PIK3C2G: variants seen among roughly 807,000 people sequenced by gnomAD.
PIK3C2G encodes phosphatidylinositol-4-phosphate 3-kinase catalytic subunit type 2 gamma.
In PIK3C2G, 168 loss-of-function variants were observed where a neutral mutation model predicts 181.1. The observed-to-expected ratio is 0.93, with a 90% confidence interval of 0.82 to 1.05. The LOEUF (loss-of-function observed/expected upper bound fraction) is 1.05. PIK3C2G is among the 50% of genes least tolerant of loss of function. PIK3C2G has a pLI of 0.00. For missense variants in PIK3C2G, 1,869 were observed against 1,732.8 expected (o/e 1.08, Z -1.40); for synonymous variants, 573 against 592.2 (o/e 0.97, Z 0.47).
At chr12:18,710,165 T>G in the PIK3C2G span, among the ~76,000 whole-genome samples, 1 of 148,646 alleles carries the variant, frequency 6.7e-6, no homozygotes. Flanking sequence ...ATTTTGTCTC[T>G]TTTTCTTATC....
the PIK3C2G span, among the ~76,000 whole-genome samples, chr12:18,688,801 G>A: frequency 1.3e-5 from 2 of 151,902 alleles, no homozygotes; most frequent in Admixed American, 1.3e-4. Flanking sequence ...AACAAAATGA[G>A]CACACAACAA....
chr12:18,600,056 T>C (rs1306280619), intron 30 of PIK3C2G, among the ~76,000 whole-genome samples: 1 of 151,908 alleles, frequency 6.6e-6, no homozygotes, highest in Non-Finnish European at 1.5e-5. Context: ...AGTAGATTTA[T>C]AGAAAAATAA....
chr12:18,457,148 T>A (rs1592308046), intron 18 of PIK3C2G, among the ~76,000 whole-genome samples: 2 of 152,128 alleles, frequency 1.3e-5, no homozygotes, highest in Non-Finnish European at 2.9e-5. Flanking sequence ...GAGCCATGGA[T>A]AATGGATAGA....
At chr12:18,508,568 AC>A (rs1941997613) in intron 24 of PIK3C2G, among the ~76,000 whole-genome samples, 1 of 151,880 alleles carries the variant, frequency 6.6e-6, no homozygotes, top group African/African-American at 2.4e-5. Context: ...TATGTTATGG[AC>A]CCCCTTTGTA....
At chr12:18,596,891 T>G (rs896599634) in intron 30 of PIK3C2G, among the ~76,000 whole-genome samples, 6 of 152,038 alleles carry the variant, frequency 3.9e-5, no homozygotes, top group African/African-American at 1.4e-4. Flanking sequence ...GGCCAAGCAG[T>G]GTAAGAATAG....
chr12:18,710,932 G>C, the PIK3C2G span, among the ~76,000 whole-genome samples: 2 of 152,074 alleles, frequency 1.3e-5, no homozygotes, highest in African/African-American at 4.8e-5. Flanking sequence ...TTACACTGTT[G>C]GTTGGACTGT....
intron 30 of PIK3C2G, among the ~76,000 whole-genome samples, chr12:18,601,176 A>G (rs749049178): frequency 3.4e-4 from 52 of 152,082 alleles, no homozygotes; most frequent in Non-Finnish European, 5.6e-4. Flanking sequence ...ACATATTATC[A>G]TATTGATAGA....
At chr12:18,650,704 G>A (rs796648452), downstream of PIK3C2G, among the ~76,000 whole-genome samples, 414 of 57,604 alleles carry the variant, frequency 7.2e-3, 10 homozygotes, top group Middle Eastern at 0.023. Flanking sequence ...GTGTGTGTGT[G>A]TATATATCTA....
At chr12:18,565,221 A>G (rs1340699054) in intron 28 of PIK3C2G, among the ~76,000 whole-genome samples, 2 of 152,194 alleles carry the variant, frequency 1.3e-5, no homozygotes, top group African/African-American at 2.4e-5. Context: ...TGTAAATGTC[A>G]TCTGGAAGGC....
chr12:18,683,594 GC>G, the PIK3C2G span: 1 of 1,442,394 alleles, frequency 6.9e-7, no homozygotes, highest in South Asian at 1.2e-5. Flanking sequence ...CCACCCTTCT[GC>G]TTCAGGAAGA....
intron 24 of PIK3C2G, among the ~76,000 whole-genome samples, chr12:18,511,576 G>A (rs1942209106): frequency 6.6e-6 from 1 of 151,926 alleles, no homozygotes; most frequent in Non-Finnish European, 1.5e-5. Context: ...AATTAGTGAT[G>A]CCTAACAGTT....
At chr12:18,492,582 G>A (rs1480144227) in intron 20 of PIK3C2G, among the ~76,000 whole-genome samples, 1 of 152,072 alleles carries the variant, frequency 6.6e-6, no homozygotes, top group Non-Finnish European at 1.5e-5. Flanking sequence ...TTCATCATCA[G>A]CAGTATTCTT....
chr12:18,547,488 A>G (rs541910126), intron 26 of PIK3C2G, among the ~76,000 whole-genome samples: 1 of 152,138 alleles, frequency 6.6e-6, no homozygotes, highest in East Asian at 1.9e-4. Flanking sequence ...GACAATAGAC[A>G]TTCAAGTGAG....
intron 26 of PIK3C2G, among the ~76,000 whole-genome samples, chr12:18,555,663 AAT>A (rs1944970789): frequency 6.6e-6 from 1 of 152,166 alleles, no homozygotes; most frequent in African/African-American, 2.4e-5. Flanking sequence ...GGCAGCTAGA[AAT>A]ATGTTACATT....
intron 19 of PIK3C2G, among the ~76,000 whole-genome samples, chr12:18,491,036 T>TTTTTTTC (rs1940521962): frequency 6.6e-6 from 1 of 152,200 alleles, no homozygotes; most frequent in African/African-American, 2.4e-5. Flanking sequence ...CACTATACTA[T>TTTTTTTC]TGAGTGTAAT....
chr12:18,344,564 C>T (rs1339907412), intron 10 of PIK3C2G, among the ~76,000 whole-genome samples: 1 of 152,010 alleles, frequency 6.6e-6, no homozygotes, highest in Non-Finnish European at 1.5e-5. Context: ...CTGTATGAAA[C>T]TGATTCTCCC....
chr12:18,567,563 C>T (rs1565516175), intron 29 of PIK3C2G, among the ~76,000 whole-genome samples: 1 of 151,804 alleles, frequency 6.6e-6, no homozygotes, highest in Non-Finnish European at 1.5e-5. Context: ...GATAAATGGA[C>T]TATCAGTGCC....
At chr12:18,547,025 A>C (rs1201301824) in intron 26 of PIK3C2G, among the ~76,000 whole-genome samples, 1 of 151,982 alleles carries the variant, frequency 6.6e-6, no homozygotes, top group African/African-American at 2.4e-5. Context: ...AATTCCTGGC[A>C]AATTTTAGGT....
intron 18 of PIK3C2G, among the ~76,000 whole-genome samples, chr12:18,427,780 T>C (rs1945919210): frequency 1.3e-5 from 2 of 150,710 alleles, no homozygotes; most frequent in African/African-American, 4.9e-5. Flanking sequence ...TCTCATCCTT[T>C]CGAAAAAAAA....
Sources: allele counts gnomAD v4.1 joint callset (sites outside exome capture counted in the v4.1 genomes callset), GRCh38; gene constraint gnomAD v4.1.1; transcripts MANE v1.5; gene names NCBI Gene and HGNC (gene_info 2026-07-23, HGNC 2026-07-21).